The following DMD variants were observed in gnomAD, a reference collection of about 807,000 sequenced individuals.
The protein encoded by DMD is mutant dystrophin.
Under a neutral mutation model 330.1 loss-of-function variants are expected in DMD, and 63 were observed. The observed-to-expected ratio is 0.19, with a 90% confidence interval of 0.16 to 0.24. DMD has a LOEUF of 0.24. Among genes scored for constraint, DMD ranks in the 10% least tolerant of loss-of-function variants. DMD has a pLI of 1.00. For synonymous variants in DMD, 1,223 were observed against 959.8 expected, an observed-to-expected ratio of 1.27 and a Z score of -5.07; for missense variants, 3,344 against 2,684.1, an observed-to-expected ratio of 1.25 and a Z score of -5.43.
chrX:31,848,846 T>G (rs764951983), intron 48 of DMD, among the ~76,000 whole-genome samples: 1 of 109,387 alleles, frequency 9.1e-6, no homozygotes, highest in Non-Finnish European at 1.9e-5. Context: ...GTTGCTGATC[T>G]GACAAGCAGT....
intron 44 of DMD, among the ~76,000 whole-genome samples, chrX:32,098,800 G>A (rs1171026630): frequency 3.6e-5 from 4 of 112,126 alleles, no homozygotes; most frequent in African/African-American, 1.3e-4. Context: ...ATGTTTTCAT[G>A]AAGTTTAAAT....
At chrX:32,387,403 C>A (rs1351037867) in intron 32 of DMD, among the ~76,000 whole-genome samples, 1 of 111,200 alleles carries the variant, frequency 9.0e-6, no homozygotes, top group Non-Finnish European at 1.9e-5. Context: ...TTATGTATCT[C>A]TGCTTTAATT....
chrX:33,293,915 T>C (rs2053549291), intron 1 of DMD, among the ~76,000 whole-genome samples: 1 of 111,492 alleles, frequency 9.0e-6, no homozygotes, highest in Admixed American at 9.6e-5. Context: ...CTCTCCCTCA[T>C]TTATGAGAGG....
At chrX:32,966,063 A>T (rs2092140373) in intron 2 of DMD, among the ~76,000 whole-genome samples, 1 of 112,370 alleles carries the variant, frequency 8.9e-6, no homozygotes, top group Non-Finnish European at 1.9e-5. Context: ...CAGAGTAAGT[A>T]GGATTCTCAC....
intron 62 of DMD, among the ~76,000 whole-genome samples, chrX:31,317,484 G>A (rs1018886357): frequency 9.2e-6 from 1 of 108,301 alleles, no homozygotes; most frequent in Non-Finnish European, 1.9e-5. Context: ...AGAAGAGTGA[G>A]GTGTCTGGAA....
At chrX:32,478,145 A>G (rs1343575050) in intron 21 of DMD, among the ~76,000 whole-genome samples, 1 of 111,401 alleles carries the variant, frequency 9.0e-6, no homozygotes, top group Non-Finnish European at 1.9e-5. Flanking sequence ...AGGGGGAGAA[A>G]GAGATGATAT....
chrX:32,719,065 C>T (rs1022717534), intron 7 of DMD, among the ~76,000 whole-genome samples: 2 of 111,496 alleles, frequency 1.8e-5, no homozygotes, highest in African/African-American at 6.5e-5. Flanking sequence ...AGAAGGTAGG[C>T]AAATAGGTGA....
chrX:32,877,531 T>C (rs1390991777), intron 2 of DMD, among the ~76,000 whole-genome samples: 1 of 112,287 alleles, frequency 8.9e-6, no homozygotes, highest in African/African-American at 3.2e-5. Context: ...TTCTGAAAGT[T>C]AGCCCTTTAG....
intron 47 of DMD, among the ~76,000 whole-genome samples, chrX:31,885,611 C>CAAAAAAAA (rs762289533): frequency 1.5e-4 from 8 of 52,315 alleles, no homozygotes; most frequent in Admixed American, 3.0e-4. Context: ...CTCCGTCTCA[C>CAAAAAAAA]AAAAAAAAAA....
intron 55 of DMD, among the ~76,000 whole-genome samples, chrX:31,526,452 A>G (rs763125981): frequency 8.9e-6 from 1 of 112,194 alleles, no homozygotes; most frequent in South Asian, 3.7e-4. Flanking sequence ...TGGACACAAT[A>G]GTCATATACA....
intron 69 of DMD, among the ~76,000 whole-genome samples, chrX:31,179,495 G>A (rs185250165): frequency 5.1e-4 from 57 of 112,517 alleles, no homozygotes; most frequent in African/African-American, 1.7e-3. Flanking sequence ...TCAACAGACC[G>A]TATCTTGAAT....
At position 31,204,541 on chromosome X, in the gene DMD, A is replaced by T. The variant is rs1465783472; in HGVS notation, c.9650-423T>A. Among the ~76,000 whole-genome samples, 16 of 112,381 alleles carry T rather than the reference A, an allele frequency of 1.4e-4. No homozygotes were observed. The Admixed American group carries it at 1.5e-3, about 11-fold the overall frequency. On this transcript the variant is annotated intron_variant, in intron 66 of 78. Transcript: ENST00000357033. ...GATTCAAAAATGTACCACAGTTGGG[A>T]CTTCTTTATGGAGTCATAAGATCAC...
chrX:32,824,698 T>C (rs999485636), intron 4 of DMD, among the ~76,000 whole-genome samples: 2 of 111,861 alleles, frequency 1.8e-5, no homozygotes, highest in Non-Finnish European at 3.8e-5. Flanking sequence ...ATGGTGGATT[T>C]ACAAACCTAC....
chrX:32,541,957 T>C (rs1255734395), intron 17 of DMD, among the ~76,000 whole-genome samples: 1 of 111,648 alleles, frequency 9.0e-6, no homozygotes, highest in African/African-American at 3.3e-5. Context: ...TATGGTTAAT[T>C]GGAAGGAACA....
chrX:33,200,250 G>GT (rs902286550), intron 1 of DMD, among the ~76,000 whole-genome samples: 30 of 108,602 alleles, frequency 2.8e-4, no homozygotes, highest in Admixed American at 7.9e-4. Flanking sequence ...ATAATAAGTT[G>GT]TTTTTTTTTC....
At chrX:31,147,012 T>A (rs2036786053) in intron 75 of DMD, among the ~76,000 whole-genome samples, 1 of 111,966 alleles carries the variant, frequency 8.9e-6, no homozygotes, top group Non-Finnish European at 1.9e-5. Context: ...GTGGAAACCT[T>A]TAGGCGTTTT....
intron 1 of DMD, among the ~76,000 whole-genome samples, chrX:33,203,859 C>A (rs1244850193): frequency 9.0e-6 from 1 of 111,115 alleles, no homozygotes; most frequent in African/African-American, 3.3e-5. Flanking sequence ...AGCATCCACA[C>A]CCCTAATCCT....
At chrX:32,731,854 C>T (rs1431846411) in intron 7 of DMD, among the ~76,000 whole-genome samples, 2 of 111,944 alleles carry the variant, frequency 1.8e-5, no homozygotes, top group African/African-American at 3.3e-5. Flanking sequence ...AAGCAGAGCA[C>T]CTCTCCTCCT....
chrX:32,979,427 G>T (rs2092642955), intron 2 of DMD, among the ~76,000 whole-genome samples: 1 of 111,703 alleles, frequency 9.0e-6, no homozygotes, highest in South Asian at 3.7e-4. Context: ...TTTCTGTTTT[G>T]GTTCATGGCA....
Sources: allele counts gnomAD v4.1 joint callset (sites outside exome capture counted in the v4.1 genomes callset), GRCh38; gene constraint gnomAD v4.1.1; transcripts MANE v1.5; gene names NCBI Gene and HGNC (gene_info 2026-07-23, HGNC 2026-07-21).